CPNE6: variants seen among roughly 807,000 people sequenced by gnomAD.
CPNE6 encodes copine 6, also known as copine-6.
In CPNE6, 33 loss-of-function variants were observed where a neutral mutation model predicts 71.5. The observed-to-expected ratio is 0.46, with a 90% confidence interval of 0.35 to 0.62. The LOEUF (loss-of-function observed/expected upper bound fraction) is 0.62. Ranked by LOEUF, CPNE6 falls within the 20% of genes least tolerant of loss-of-function variation. The probability of loss-of-function intolerance (pLI) is 0.00; values close to 1 mark genes in which losing one functional copy is unlikely to be tolerated. For synonymous variants in CPNE6, 296 were observed against 293.0 expected (o/e 1.01, Z -0.10); for missense variants, 576 against 747.3 (o/e 0.77, Z 2.67).
At position 24,077,343 on chromosome 14, in the gene CPNE6, G is replaced by A. The variant is rs767318982; in HGVS notation, c.1489G>A (p.Ala497Thr). 4 of 1,613,826 alleles carry A rather than the reference G, an allele frequency of 2.5e-6. No individual in the cohort carries two copies. Among genetic ancestry groups the A allele is most frequent in the Non-Finnish European group, 3.4e-6 (4 of 1,180,004 alleles). Residue 497 changes from alanine to threonine, a missense_variant, in exon 16 of 18, where the codon GCA becomes ACA. Ala to Thr is a moderately conservative substitution (Grantham distance 58). Around this residue, in one of 4 missense-constraint regions of CPNE6, gnomAD observed 264 missense variants for 339.9 expected, o/e 0.78. Coordinates refer to ENST00000397016, the Ensembl canonical transcript of CPNE6. This position sits in a 1 kb window ranked among gnomAD's most constrained non-coding sequence, Gnocchi z 6.1. Reference sequence around the variant, plus strand: ...CTTGCGCTGCCCCCGAGGGGTGCCTGCAGCCCGAGACATTGTCCAGTTCGT... The same window carrying A: ...CTTGCGCTGCCCCCGAGGGGTGCCTACAGCCCGAGACATTGTCCAGTTCGT...
In CPNE6 at chr14:24,075,608, G is replaced by T; in HGVS notation, c.864+17G>T. 6.3e-7 allele frequency: 1 copy of T among 1,595,716 alleles called. No homozygotes were observed. Among genetic ancestry groups the T allele is most frequent in the Non-Finnish European group, 8.6e-7 (1 of 1,168,532 alleles). ...CAGTGCACGGTAAATTTCACTTCCT[G>T]CTTCAAGCCTTGCCCCAGCCCCTGC... On this transcript the variant is annotated intron_variant, in intron 10 of 17. Transcript: ENST00000397016. The surrounding 1 kb of genome is among the most constrained non-coding windows in gnomAD (Gnocchi z 4.3).
At chr14:24,076,016 C>G in intron 11 of CPNE6, 130 bp downstream of exon 10, 1 of 1,482,960 alleles carries the variant, frequency 6.7e-7, no homozygotes, top group Non-Finnish European at 9.3e-7. Flanking sequence ...GCTTATGCAC[C>G]CCCACATCAT....
At chr14:24,071,260 C>T (rs1175115665) in intron 1 of CPNE6, 7 of 1,212,234 alleles carry the variant, frequency 5.8e-6, no homozygotes, top group African/African-American at 1.5e-5. Context: ...GCATGTGTCG[C>T]CATCATTTCT....
At chr14:24,072,621 G>A in intron 2 of CPNE6, 1 of 274,648 alleles carries the variant, frequency 3.6e-6, no homozygotes. Context: ...GCGGCAGAAA[G>A]TGTAGATCAA....
rs542897310 is a variant in CPNE6, at chr14:24,077,906, G to C, written c.*56G>C. The C allele has an allele frequency of 8.5e-6, 5 of 587,524 alleles. No homozygotes were observed. In the Admixed American group the frequency reaches 1.5e-4, roughly 17 times the overall value. 36.4% of individuals were successfully genotyped at this position (587,524 alleles called of 1,614,324 possible). ...CTCCCAGGTGCCTGTCCTGACCCTC[G>C]TGACTCCAGTGACCAATGCCTCCAC... On this transcript the variant is annotated 3_prime_UTR_variant, in exon 18 of 18. Coordinates refer to ENST00000397016, the Ensembl canonical transcript of CPNE6. The surrounding 1 kb of genome is among the most constrained non-coding windows in gnomAD (Gnocchi z 6.1).
rs527602465 is a variant in CPNE6, at chr14:24,075,031, C to A, written c.673-141C>A. On this transcript the variant is annotated intron_variant, in intron 8 of 17. Transcript: ENST00000397016. The surrounding 1 kb of genome is among the most constrained non-coding windows in gnomAD (Gnocchi z 4.3). ...AACAAAGTTCAGCAGGTGGCCTCTC[C>A]GGGCAGGCTGAGGATGTCTGTTTGG... is the stretch of plus-strand genomic sequence containing the variant. The A allele has an allele frequency of 2.0e-5, 15 of 762,050 alleles. No homozygotes were observed. In the Admixed American group the frequency reaches 2.8e-4, roughly 14 times the overall value. The allele number at this position is 762,050 out of a possible 1,614,324, so 47.2% of individuals were successfully genotyped here.
rs552239001 is a variant in CPNE6 at position 24,075,099 on chromosome 14, C to T, written c.673-73C>T. On this transcript the variant is annotated intron_variant, in intron 8 of 17. Transcript: ENST00000397016. The surrounding 1 kb of genome is among the most constrained non-coding windows in gnomAD (Gnocchi z 4.3). ...CCCAAGTCCCCCTACTCCAAGTCCC[C>T]GAGTCCCCCTACTCACCGTGAATAC... The T allele has an allele frequency of 5.9e-5, 65 of 1,094,128 alleles. 1 individual carries two copies. The highest frequency in any genetic ancestry group is 3.0e-4 in the South Asian group (24 of 78,966). 67.8% of individuals were successfully genotyped at this position (1,094,128 alleles called of 1,614,324 possible). A position where few individuals can be genotyped will look rare whatever the true frequency, so the allele number is the denominator to read the frequency against.
chr14:24,076,097 A>G lies in CPNE6; in HGVS notation c.925-52A>G, dbSNP rs1428952291. On this transcript the variant is annotated intron_variant, in intron 11 of 17. Coordinates refer to ENST00000397016, the Ensembl canonical transcript of CPNE6. ...TACAGATCCCAGCTCTGGCCTAGGCAATCTGGTGGCTCTCATGGTTGCAGC... is the reference window on the plus strand; with the variant it reads ...TACAGATCCCAGCTCTGGCCTAGGCGATCTGGTGGCTCTCATGGTTGCAGC... 3.8e-5 allele frequency: 60 copies of G among 1,598,206 alleles called. No homozygotes were observed. The Admixed American group carries it at 1.0e-3, about 27-fold the overall frequency.
At position 24,075,692 on chromosome 14, in the gene CPNE6, C is replaced by A; in HGVS notation, c.864+101C>A. ...GTTTCAAAGACCAGTTTCTCTGCTT[C>A]TGGGAACTGGAAACCACCCCCAACT... On this transcript the variant is annotated intron_variant, in intron 10 of 17. Coordinates refer to ENST00000397016, the Ensembl canonical transcript of CPNE6. This position sits in a 1 kb window ranked among gnomAD's most constrained non-coding sequence, Gnocchi z 4.3. The A allele has an allele frequency of 7.3e-7, 1 of 1,369,418 alleles. No individual in the cohort carries two copies. The highest frequency in any genetic ancestry group is 1.0e-6 in the Non-Finnish European group (1 of 977,728). The allele number at this position is 1,369,418 out of a possible 1,614,324, so 84.8% of individuals were successfully genotyped here.
At chr14:24,071,014 C>A in exon 1 of CPNE6, 1 of 1,535,670 alleles carries the variant, frequency 6.5e-7, no homozygotes, top group Non-Finnish European at 8.7e-7. Flanking sequence ...AAGATCACAT[C>A]CTGCTGTATT....
In CPNE6 at chr14:24,074,512, C is replaced by G. The variant is rs1285063521; in HGVS notation, c.499-19C>G. ...GCAGCTCTCACCAACCTCAAGGGCC[C>G]TTTCTCCTGTATCTTCAGGATCTGT... On this transcript the variant is annotated intron_variant, in intron 6 of 17. Coordinates refer to ENST00000397016, the Ensembl canonical transcript of CPNE6. The surrounding 1 kb of genome is among the most constrained non-coding windows in gnomAD (Gnocchi z 4.5). 1.9e-6 allele frequency: 3 copies of G among 1,613,012 alleles called. No homozygotes were observed. The African/African-American group carries it at 4.0e-5, about 22-fold the overall frequency.
chr14:24,071,749 C>T lies in CPNE6; in HGVS notation c.-5+108C>T, dbSNP rs1345673643. ...CAGAGAGATCCCAGCCCTGCCCAAT[C>T]CCTTCACCACCACAAGCCCCTGCCT... On this transcript the variant is annotated intron_variant, in intron 2 of 17. Coordinates refer to ENST00000397016, the Ensembl canonical transcript of CPNE6. The T allele has an allele frequency of 2.4e-5, 14 of 594,822 alleles. No homozygotes were observed. The East Asian group carries it at 4.0e-4, about 17-fold the overall frequency. The allele number at this position is 594,822 out of a possible 1,614,324, so 36.8% of individuals were successfully genotyped here.
At position 24,073,454 on chromosome 14, in the gene CPNE6, C is replaced by T; in HGVS notation, c.169-45C>T. The stretch of plus-strand genomic sequence containing the variant: ...GCAGTCCAGGACAGGGAAAAGTATC[C>T]TCGGTTCCCAGACAGCCCTCGCCTC... On this transcript the variant is annotated intron_variant, in intron 3 of 17. Transcript: ENST00000397016. This position sits in a 1 kb window ranked among gnomAD's most constrained non-coding sequence, Gnocchi z 5.5. 6.3e-7 allele frequency: 1 copy of T among 1,588,164 alleles called. No homozygotes were observed. Among genetic ancestry groups the T allele is most frequent in the Non-Finnish European group, 8.6e-7 (1 of 1,166,192 alleles).
chr14:24,071,506 C>G (rs939280822), intron 1 of CPNE6, 56 bp from the exon 1 acceptor site: 3 of 1,346,722 alleles, frequency 2.2e-6, no homozygotes, highest in East Asian at 3.0e-5. Context: ...GCTGCGCCCC[C>G]CCCCACCCCT....
Position 24,073,425 on chromosome 14 carries a change from TA to T in CPNE6, c.169-73del. On this transcript the variant is annotated intron_variant, in intron 3 of 17. Transcript: ENST00000397016. The surrounding 1 kb of genome is among the most constrained non-coding windows in gnomAD (Gnocchi z 5.5). The stretch of plus-strand genomic sequence containing the variant: ...GGGGCCCAAGAAGAGCTGGCATGAC[TA>T]GGGCAGTCCAGGACAGGGAAAAGTA... 1 of 1,506,866 alleles carries T rather than the reference TA, an allele frequency of 6.6e-7. No individual in the cohort carries two copies. Among genetic ancestry groups the T allele is most frequent in the Non-Finnish European group, 9.0e-7 (1 of 1,109,862 alleles). 93.3% of individuals were successfully genotyped at this position (1,506,866 alleles called of 1,614,324 possible).
Position 24,075,321 on chromosome 14 carries a change from G to A in CPNE6, c.777+45G>A, listed in dbSNP as rs2036025538. On this transcript the variant is annotated intron_variant, in intron 9 of 17. Coordinates refer to ENST00000397016, the Ensembl canonical transcript of CPNE6. This position sits in a 1 kb window ranked among gnomAD's most constrained non-coding sequence, Gnocchi z 4.3. ...CCCAGAATCCCACCCAGATCCCTGG[G>A]AGAATCCTGAGGGTGATGCTGAAGA... 6.5e-7 allele frequency: 1 copy of A among 1,542,086 alleles called. No individual in the cohort carries two copies. The highest frequency in any genetic ancestry group is 9.0e-7 in the Non-Finnish European group (1 of 1,114,496).
chr14:24,071,064 C>A, intron 1 of CPNE6: 1 of 1,524,908 alleles, frequency 6.6e-7, no homozygotes, highest in Non-Finnish European at 8.8e-7. Flanking sequence ...ACAAGGACAG[C>A]CCAGTGTTCC....
At position 24,077,817 on chromosome 14, in the gene CPNE6, G is replaced by GCTCTACCAAGCCCCA; in HGVS notation, c.*37+52_*37+53insCTACCAAGCCCCACT. 7.3e-7 allele frequency: 1 copy of GCTCTACCAAGCCCCA among 1,375,136 alleles called. No homozygotes were observed. Among genetic ancestry groups the GCTCTACCAAGCCCCA allele is most frequent in the Non-Finnish European group, 9.6e-7 (1 of 1,046,494 alleles). The allele number at this position is 1,375,136 out of a possible 1,614,324, so 85.2% of individuals were successfully genotyped here. On this transcript the variant is annotated intron_variant, in intron 17 of 17. Coordinates refer to ENST00000397016, the Ensembl canonical transcript of CPNE6. This position sits in a 1 kb window ranked among gnomAD's most constrained non-coding sequence, Gnocchi z 6.1. ...GTGGACACAGGGGGTGCAAAGTGGG[G>GCTCTACCAAGCCCCA]CTTGGTAGAGCCCAACTAGGCTGGG...
chr14:24,074,343 G>C lies in CPNE6; in HGVS notation c.476G>C (p.Arg159Thr). ...AACGACTATGTGCAACTCACCTTCA[G>C]AGCCTACAAGCTGGACAACAAGGTT... Residue 159 changes from arginine to threonine, a missense_variant, in exon 6 of 18, where the codon AGA becomes ACA. Physicochemically the swap from Arg to Thr is moderately conservative, Grantham distance 71 (BLOSUM62 -1). Around this residue, in one of 4 missense-constraint regions of CPNE6, gnomAD observed 214 missense variants for 291.2 expected, o/e 0.73. Transcript: ENST00000397016. This position sits in a 1 kb window ranked among gnomAD's most constrained non-coding sequence, Gnocchi z 4.5. The C allele has an allele frequency of 6.4e-7, 1 of 1,562,750 alleles. No homozygotes were observed. Among genetic ancestry groups the C allele is most frequent in the South Asian group, 1.2e-5 (1 of 82,022 alleles).
Sources: gnomAD v4.1 joint callset for allele counts on GRCh38, gnomAD v4.1.1 for gene constraint, gnomAD v4.1.1 regional missense constraint, Gnocchi (gnomAD v3.1) non-coding constraint, MANE v1.5 for transcripts, NCBI Gene and HGNC (gene_info 2026-07-23, HGNC 2026-07-21) for gene names.